SH3GL3: variants seen among roughly 807,000 people sequenced by gnomAD.
SH3GL3 encodes SH3 domain containing GRB2 like 3, endophilin A3, also known as endophilin-A3.
SH3GL3 carries 33 observed loss-of-function variants against 47.7 expected under a neutral mutation model. That is an observed-to-expected ratio of 0.69 (90% confidence interval 0.52 to 0.92). SH3GL3 has a LOEUF of 0.92. SH3GL3 is among the 40% of genes least tolerant of loss of function. The pLI is 0.00. For synonymous variants in SH3GL3, 155 were observed against 148.8 expected, an observed-to-expected ratio of 1.04 and a Z score of -0.30; for missense variants, 363 against 417.8, an observed-to-expected ratio of 0.87 and a Z score of 1.14.
chr15:83,507,418 T>C (rs1321421090), intron 1 of SH3GL3, among the ~76,000 whole-genome samples: 1 of 151,540 alleles, frequency 6.6e-6, no homozygotes, highest in Non-Finnish European at 1.5e-5. Context: ...TTTATTATTA[T>C]TATTATTTTT....
At chr15:83,506,363 T>C (rs2151618503) in intron 1 of SH3GL3, among the ~76,000 whole-genome samples, 1 of 152,326 alleles carries the variant, frequency 6.6e-6, no homozygotes, top group African/African-American at 2.4e-5. Context: ...CTACCCGTAT[T>C]ATGAAGTGGG....
chr15:83,602,277 A>G (rs2060406161), intron 8 of SH3GL3, among the ~76,000 whole-genome samples: 1 of 152,224 alleles, frequency 6.6e-6, no homozygotes, highest in African/African-American at 2.4e-5. Flanking sequence ...TACAACCTCT[A>G]GCTAGGCAGC....
At chr15:83,473,625 A>G (rs28862272) in intron 1 of SH3GL3, among the ~76,000 whole-genome samples, 120,931 of 150,692 alleles carry the variant, frequency 0.8, 48,524 homozygotes, top group Admixed American at 0.83. Context: ...TTGGCTCACC[A>G]CAAGCTCCGC....
At chr15:83,574,429 C>T (rs763949018) in intron 5 of SH3GL3, among the ~76,000 whole-genome samples, 2 of 152,140 alleles carry the variant, frequency 1.3e-5, no homozygotes, top group Non-Finnish European at 2.9e-5. Context: ...GGGTCTGTCA[C>T]CTCTCACCTC....
At position 83,517,045 on chromosome 15, in the gene SH3GL3, T is replaced by G. The variant is rs141938273; in HGVS notation, c.46-42208T>G. On this transcript the variant is annotated intron_variant, in intron 1 of 8. Coordinates refer to ENST00000427482, the MANE Select transcript of SH3GL3 (RefSeq NM_003027.5). ...GGTAGACTTCTGGGGTCTTTTCAGT[T>G]TTTGGCTATTACAAATATTGCTGCT... 4.5e-3 allele frequency among the ~76,000 whole-genome samples: 692 copies of G among 152,178 alleles called. 7 individuals carry two copies. The highest frequency in any genetic ancestry group is 7.0e-3 in the Non-Finnish European group (473 of 67,996).
At chr15:83,491,395 C>G (rs1254664138) in intron 1 of SH3GL3, among the ~76,000 whole-genome samples, 1 of 152,204 alleles carries the variant, frequency 6.6e-6, no homozygotes. Context: ...TTAGCATTCC[C>G]TCAAGAGTCT....
At chr15:83,463,402 A>G (rs2040401609) in intron 1 of SH3GL3, among the ~76,000 whole-genome samples, 2 of 152,066 alleles carry the variant, frequency 1.3e-5, no homozygotes, top group Admixed American at 6.5e-5. Context: ...CTTTTTGTCA[A>G]TAAAAGCTTC....
intron 6 of SH3GL3, among the ~76,000 whole-genome samples, chr15:83,584,787 G>GTC (rs145968395): frequency 0.016 from 2,375 of 152,284 alleles, 33 homozygotes; most frequent in Non-Finnish European, 0.022. Flanking sequence ...GTCAGCCCAG[G>GTC]TCTCAACCCG....
chr15:83,560,314 TCTC>T (rs2045200763), intron 2 of SH3GL3, among the ~76,000 whole-genome samples: 1 of 152,184 alleles, frequency 6.6e-6, no homozygotes, highest in Non-Finnish European at 1.5e-5. Context: ...TCCAGGGAGT[TCTC>T]TGTTTTCTGG....
intron 1 of SH3GL3, among the ~76,000 whole-genome samples, chr15:83,449,848 T>C (rs966125073): frequency 3.3e-5 from 5 of 152,220 alleles, no homozygotes; most frequent in African/African-American, 1.2e-4. Context: ...TTTTAATATG[T>C]TCTAGAAGTC....
At chr15:83,512,666 CCTT>C (rs1442195852) in intron 1 of SH3GL3, among the ~76,000 whole-genome samples, 1 of 152,106 alleles carries the variant, frequency 6.6e-6, no homozygotes, top group Non-Finnish European at 1.5e-5. Flanking sequence ...CCACCCTCCT[CCTT>C]CTCTCTTCCT....
At chr15:83,547,235 G>C (rs932784868) in intron 1 of SH3GL3, among the ~76,000 whole-genome samples, 3 of 152,168 alleles carry the variant, frequency 2.0e-5, no homozygotes, top group Admixed American at 6.6e-5. Flanking sequence ...TCTGACTGCT[G>C]GGATGGACGA....
At chr15:83,525,346 T>TTGTGTGTGTGTGTG (rs776105824) in intron 1 of SH3GL3, among the ~76,000 whole-genome samples, 1 of 73,948 alleles carries the variant, frequency 1.4e-5, no homozygotes, top group South Asian at 6.5e-4. Flanking sequence ...ATGAGATTCT[T>TTGTGTGTGTGTGTG]TGTGCGTGTG....
intron 1 of SH3GL3, among the ~76,000 whole-genome samples, chr15:83,449,245 C>T (rs1159279063): frequency 2.0e-5 from 3 of 152,098 alleles, no homozygotes; most frequent in African/African-American, 7.2e-5. Context: ...AGAAAGAACT[C>T]GTAGATGACA....
intron 6 of SH3GL3, among the ~76,000 whole-genome samples, chr15:83,582,852 G>A (rs907545406): frequency 2.6e-5 from 4 of 152,136 alleles, no homozygotes; most frequent in Non-Finnish European, 5.9e-5. Flanking sequence ...AGGATAAAGT[G>A]GAGAATAAAA....
rs945763220 is a variant in SH3GL3 at position 83,612,227 on chromosome 15, CT to C, written c.839-5854del. On this transcript the variant is annotated intron_variant, in intron 8 of 8. Coordinates refer to ENST00000427482, the MANE Select transcript of SH3GL3 (RefSeq NM_003027.5). The stretch of plus-strand genomic sequence containing the variant: ...TTTTCTTGAAGGTTCTCTCCTCCCC[CT>C]GGTCCAGTCCTAAGATGTTGCCTAG... 3.3e-5 allele frequency among the ~76,000 whole-genome samples: 5 copies of C among 152,230 alleles called. No individual in the cohort carries two copies. In the South Asian group the frequency reaches 6.2e-4, roughly 19 times the overall value.
intron 1 of SH3GL3, among the ~76,000 whole-genome samples, chr15:83,508,668 T>G (rs994653753): frequency 1.3e-5 from 2 of 151,758 alleles, no homozygotes; most frequent in African/African-American, 4.8e-5. Flanking sequence ...ACCTCTGCCT[T>G]CTGGGTTCAA....
chr15:83,593,986 T>G (rs545028441), intron 8 of SH3GL3, among the ~76,000 whole-genome samples: 4 of 152,242 alleles, frequency 2.6e-5, no homozygotes, highest in Non-Finnish European at 5.9e-5. Context: ...GCCTGGCTAA[T>G]TTTTGTATCT....
At chr15:83,552,273 T>C (rs2044704725) in intron 1 of SH3GL3, among the ~76,000 whole-genome samples, 1 of 152,232 alleles carries the variant, frequency 6.6e-6, no homozygotes, top group South Asian at 2.1e-4. Context: ...AGGTGTTCTT[T>C]GAAATGTATT....
Sources: allele counts gnomAD v4.1 joint callset (sites outside exome capture counted in the v4.1 genomes callset), GRCh38; gene constraint gnomAD v4.1.1; transcripts MANE v1.5; gene names NCBI Gene and HGNC (gene_info 2026-07-23, HGNC 2026-07-21).